The following IQUB variants were observed in gnomAD, a reference collection of about 807,000 sequenced individuals.
The protein encoded by IQUB is IQ motif and ubiquitin domain containing.
In IQUB, 86 loss-of-function variants were observed where a neutral mutation model predicts 86.4. The ratio of observed to expected loss-of-function variants is 1.00; its 90% CI spans 0.84 to 1.19. IQUB has a LOEUF of 1.19. Among genes scored for constraint, IQUB ranks in the 50% most tolerant of loss-of-function variants. The probability of loss-of-function intolerance (pLI) is 0.00; values close to 1 mark genes in which losing one functional copy is unlikely to be tolerated. For synonymous variants in IQUB, 289 were observed against 304.5 expected (o/e 0.95, Z 0.53); for missense variants, 946 against 916.9 (o/e 1.03, Z -0.41).
At chr7:123,509,865 A>G in intron 3 of IQUB, 36 bp downstream of exon 3, 1 of 1,546,162 alleles carries the variant, frequency 6.5e-7, no homozygotes, top group South Asian at 1.2e-5. Flanking sequence ...TAAAACTAGA[A>G]AAGTCTTGAT....
In IQUB at chr7:123,482,625, G is replaced by C. The variant is rs572402574; in HGVS notation, c.1235-2655C>G. ...CACTACATGTGAAAATGCGTAGGAT[G>C]CAACCAAAATTTCAGCAAGGGAAAC... On this transcript the variant is annotated intron_variant, in intron 7 of 12. Coordinates refer to ENST00000324698, the MANE Select transcript of IQUB (RefSeq NM_178827.5). Among the ~76,000 whole-genome samples, 25 of 152,188 alleles carry C rather than the reference G, an allele frequency of 1.6e-4. No individual in the cohort carries two copies. The South Asian group carries it at 5.2e-3, about 32-fold the overall frequency.
chr7:123,457,643 T>A, intron 11 of IQUB, 77 bp from the exon 12 acceptor site: 2 of 1,048,954 alleles, frequency 1.9e-6, no homozygotes, highest in Non-Finnish European at 2.8e-6. Context: ...AGCAAATAAT[T>A]AAATTATAGA....
chr7:123,478,602 G>A (rs1412476421), intron 8 of IQUB, among the ~76,000 whole-genome samples: 1 of 151,980 alleles, frequency 6.6e-6, no homozygotes, highest in African/African-American at 2.4e-5. Flanking sequence ...CTAAAGCAGA[G>A]GACTTAGTAA....
At position 123,503,345 on chromosome 7, in the gene IQUB, T is replaced by C. The variant is rs762677292; in HGVS notation, c.551A>G (p.Asn184Ser). Residue 184 changes from asparagine (N) to serine (S), a missense_variant, in exon 4 of 13, where the codon AAT (asparagine) becomes AGT (serine). By Grantham distance (46) the Asn-to-Ser change is conservative. Transcript: ENST00000324698. The part of the protein sequence containing the change: ...IRYSGKILKN[N>S]ETLVQHGVKP... ...AACTCCATGTTGTACTAGAGTCTCA[T>C]TATTTTTAAGAATTTTTCCTAAAAA... is the stretch of plus-strand genomic sequence containing the variant. 6.6e-7 allele frequency: 1 copy of C among 1,523,772 alleles called. No homozygotes were observed. The highest frequency in any genetic ancestry group is 1.3e-5 in the South Asian group (1 of 79,384). The allele number at this position is 1,523,772 out of a possible 1,614,324, so 94.4% of individuals were successfully genotyped here.
chr7:123,528,883 T>C (rs531470361), intron 1 of IQUB, among the ~76,000 whole-genome samples: 23 of 152,332 alleles, frequency 1.5e-4, no homozygotes, highest in African/African-American at 4.8e-4. Flanking sequence ...CCCCCTCATA[T>C]GTACATATTA....
At chr7:123,497,239 T>C (rs1458532192) in intron 6 of IQUB, among the ~76,000 whole-genome samples, 1 of 152,170 alleles carries the variant, frequency 6.6e-6, no homozygotes, top group East Asian at 1.9e-4. Context: ...TCTCTATGCT[T>C]TAGTACCCTC....
chr7:123,461,727 A>AC (rs1300715873), intron 10 of IQUB, 122 bp from the exon 11 acceptor site: 2 of 880,144 alleles, frequency 2.3e-6, no homozygotes, highest in East Asian at 5.8e-5. Context: ...TTAAAAAAAA[A>AC]AGTTGGCTAA....
chr7:123,507,253 T>A (rs943674627), intron 3 of IQUB, among the ~76,000 whole-genome samples: 1 of 152,200 alleles, frequency 6.6e-6, no homozygotes, highest in African/African-American at 2.4e-5. Flanking sequence ...ACCCAATCAT[T>A]CTGTTTTTCA....
intron 3 of IQUB, among the ~76,000 whole-genome samples, chr7:123,509,658 A>ACT (rs1216997205): frequency 6.6e-6 from 1 of 152,192 alleles, no homozygotes; most frequent in Non-Finnish European, 1.5e-5. Context: ...CTTCTTCCTT[A>ACT]CTAATCTGTA....
rs1054942267 is a variant in IQUB at position 123,502,623 on chromosome 7, C to A, written c.997G>T (p.Glu333Ter). The A allele has an allele frequency of 1.9e-6, 3 of 1,611,766 alleles. No homozygotes were observed. The highest frequency in any genetic ancestry group is 2.5e-6 in the Non-Finnish European group (3 of 1,179,336). Residue 333 changes from glutamate to a stop codon, truncating the protein, a stop_gained, in exon 6 of 13, where the codon GAA becomes TAA. Coordinates refer to ENST00000324698, the MANE Select transcript of IQUB (RefSeq NM_178827.5). LOFTEE classifies it high-confidence loss of function. ...GCCTTTAGTCTTTGAGCATGGTATTCTGCTGCTGAAAAATACTTTCCTGGT... is the reference window on the plus strand; with the variant it reads ...GCCTTTAGTCTTTGAGCATGGTATTATGCTGCTGAAAAATACTTTCCTGGT... ...VTPGKYFSAA[E>*]YHAQRLKAVI...
At chr7:123,491,095 T>G (rs1372236932) in intron 7 of IQUB, among the ~76,000 whole-genome samples, 1 of 152,108 alleles carries the variant, frequency 6.6e-6, no homozygotes, top group East Asian at 1.9e-4. Context: ...ATTTAGCAAT[T>G]AAATAACCTA....
Position 123,469,359 on chromosome 7 carries a change from G to A in IQUB, c.1436C>T (p.Thr479Ile). The change falls in exon 9 of 13, where the codon ACC becomes ATC. Residue 479 changes from threonine (T) to isoleucine (I), a missense_variant. By Grantham distance (89) the Thr-to-Ile change is moderately conservative (BLOSUM62 -1). Coordinates refer to ENST00000324698, the MANE Select transcript of IQUB (RefSeq NM_178827.5). ...DKCSAPKIWR[T>I]PNGKTIEMDT... Reference sequence around the variant, plus strand: ...CATCTCAATTGTTTTGCCATTAGGGGTTCTCCATATTTTTGGAGCTGAACA... The same window carrying A: ...CATCTCAATTGTTTTGCCATTAGGGATTCTCCATATTTTTGGAGCTGAACA... The A allele has an allele frequency of 1.3e-6, 2 of 1,595,148 alleles. No individual in the cohort carries two copies. The highest frequency in any genetic ancestry group is 1.7e-6 in the Non-Finnish European group (2 of 1,172,284).
intron 8 of IQUB, among the ~76,000 whole-genome samples, chr7:123,473,911 G>A (rs1459037592): frequency 2.0e-5 from 3 of 152,068 alleles, no homozygotes; most frequent in African/African-American, 7.2e-5. Flanking sequence ...ATACTCTGTG[G>A]AAGTCAATAT....
intron 1 of IQUB, among the ~76,000 whole-genome samples, chr7:123,516,389 T>C (rs1044952387): frequency 2.0e-5 from 3 of 152,176 alleles, no homozygotes; most frequent in African/African-American, 7.2e-5. Context: ...GTGAAAATGA[T>C]AAAAAGGGCA....
In IQUB at chr7:123,457,400, T is replaced by C. The variant is rs750996876; in HGVS notation, c.2174A>G (p.Lys725Arg). 1 of 1,611,738 alleles carries C rather than the reference T, an allele frequency of 6.2e-7. No homozygotes were observed. Among genetic ancestry groups the C allele is most frequent in the South Asian group, 1.1e-5 (1 of 90,842 alleles). ...TCTTACCTCTTCAATACTTGTTAGC[T>C]TGAGATGAGCAGCTGCTTCATCTTT... Reference protein sequence around the residue: ...LTKDEAAAHLKLTSIEEGYER... With the variant: ...LTKDEAAAHLRLTSIEEGYER... The change falls in exon 12 of 13, where the codon AAG becomes AGG. Residue 725 changes from lysine (K) to arginine (R), a missense_variant. Physicochemically the swap from Lys to Arg is conservative, Grantham distance 26. Transcript: ENST00000324698.
chr7:123,525,797 A>G (rs543344028), intron 1 of IQUB, among the ~76,000 whole-genome samples: 38 of 151,236 alleles, frequency 2.5e-4, no homozygotes, highest in East Asian at 1.4e-3. Context: ...TGATGTTAGG[A>G]TGTCAATTTT....
chr7:123,523,933 T>C (rs1312629011), intron 1 of IQUB, among the ~76,000 whole-genome samples: 1 of 152,144 alleles, frequency 6.6e-6, no homozygotes, highest in Non-Finnish European at 1.5e-5. Flanking sequence ...GCTAGCCAGT[T>C]TTCCCAGCAC....
At chr7:123,455,748 T>C (rs1237469145) in intron 12 of IQUB, among the ~76,000 whole-genome samples, 3 of 152,072 alleles carry the variant, frequency 2.0e-5, no homozygotes, top group Non-Finnish European at 4.4e-5. Context: ...TTTCTAAAAA[T>C]TTATGAAGCA....
At chr7:123,527,822 T>G (rs1236577782) in intron 1 of IQUB, among the ~76,000 whole-genome samples, 1 of 152,210 alleles carries the variant, frequency 6.6e-6, no homozygotes, top group Non-Finnish European at 1.5e-5. Context: ...GCAGGCCTCC[T>G]TGAGCTGTGG....
Sources: gnomAD v4.1 joint callset for allele counts (sites outside exome capture counted in the v4.1 genomes callset) on GRCh38, gnomAD v4.1.1 for gene constraint, MANE v1.5 for transcripts, NCBI Gene and HGNC (gene_info 2026-07-23, HGNC 2026-07-21) for gene names.